The following EPB41 variants were observed in gnomAD, a reference collection of about 807,000 sequenced individuals.
EPB41 encodes protein 4.1.
EPB41 carries 65 observed loss-of-function variants against 108.0 expected under a neutral mutation model. The observed-to-expected ratio is 0.60, with a 90% CI of 0.49 to 0.74. EPB41 has a LOEUF of 0.74. EPB41 is among the 30% of genes least tolerant of loss of function. The probability of loss-of-function intolerance (pLI) is 0.00; values close to 1 mark genes in which losing one functional copy is unlikely to be tolerated. For synonymous variants in EPB41, 336 were observed against 358.9 expected, an observed-to-expected ratio of 0.94 and a Z score of 0.72; for missense variants, 875 against 1,037.0, an observed-to-expected ratio of 0.84 and a Z score of 2.15.
rs1242720788 is a variant in EPB41, at chr1:29,018,836, A to G, written c.1124+394A>G. Among the ~76,000 whole-genome samples, 1 of 152,156 alleles carries G rather than the reference A, an allele frequency of 6.6e-6. No homozygotes were observed. The highest frequency in any genetic ancestry group is 1.5e-5 in the Non-Finnish European group (1 of 68,038). Reference sequence around the variant, plus strand: ...TTTAATTTGAGATCTTTATACATGGATAGATTTCAGAGGGCCCGTGAAACT... The same window carrying G: ...TTTAATTTGAGATCTTTATACATGGGTAGATTTCAGAGGGCCCGTGAAACT... On this transcript the variant is annotated intron_variant, in intron 7 of 20. Transcript: ENST00000343067. This position sits in a 1 kb window ranked among gnomAD's most constrained non-coding sequence, Gnocchi z 4.4.
intron 1 of EPB41, chr1:28,982,669 T>G (rs769524216): frequency 2.1e-5 from 16 of 767,346 alleles, no homozygotes; most frequent in Non-Finnish European, 3.7e-5. Context: ...TGATTGATCT[T>G]AAGACTTAGG....
intron 16 of EPB41, among the ~76,000 whole-genome samples, chr1:29,093,184 TC>T (rs1661945696): frequency 6.6e-6 from 1 of 152,218 alleles, no homozygotes; most frequent in Non-Finnish European, 1.5e-5. Context: ...GTGTAAGCAT[TC>T]CCTTTTCTCT....
intron 9 of EPB41, among the ~76,000 whole-genome samples, chr1:29,034,604 A>G (rs1318146910): frequency 2.6e-5 from 4 of 152,210 alleles, no homozygotes; most frequent in African/African-American, 9.7e-5. Context: ...TTTCCTTTCC[A>G]TCTTATAAAA....
intron 1 of EPB41, among the ~76,000 whole-genome samples, chr1:28,938,680 A>G (rs1031766859): frequency 6.6e-6 from 1 of 151,870 alleles, no homozygotes; most frequent in Non-Finnish European, 1.5e-5. Flanking sequence ...CCATAGGCAT[A>G]TGTCACCACG....
At chr1:29,085,432 A>G (rs1219603523) in intron 16 of EPB41, among the ~76,000 whole-genome samples, 1 of 152,154 alleles carries the variant, frequency 6.6e-6, no homozygotes, top group Non-Finnish European at 1.5e-5. Flanking sequence ...GGCGTGAGCC[A>G]CCACACCTGG....
Position 28,887,404 on chromosome 1 carries a change from A to T in EPB41, c.-8+194A>T. The T allele has an allele frequency of 1.0e-6, 1 of 985,320 alleles. No individual in the cohort carries two copies. Among genetic ancestry groups the T allele is most frequent in the Non-Finnish European group, 1.2e-6 (1 of 829,900 alleles). 61.0% of individuals were successfully genotyped at this position (985,320 alleles called of 1,614,324 possible). A position where few individuals can be genotyped will look rare whatever the true frequency, so the allele number is the denominator to read the frequency against. On this transcript the variant is annotated intron_variant, in intron 1 of 16. Transcript: ENST00000347529. The surrounding 1 kb of genome is among the most constrained non-coding windows in gnomAD (Gnocchi z 4.9). ...GGGTCCAAAGGAGTCTGGGCATCTTAAAGTTCAGGGTGCAGGGAGGGGCGT... is the reference window on the plus strand; with the variant it reads ...GGGTCCAAAGGAGTCTGGGCATCTTTAAGTTCAGGGTGCAGGGAGGGGCGT...
chr1:28,987,149 T>A (rs1211895175), intron 1 of EPB41, among the ~76,000 whole-genome samples: 1 of 152,206 alleles, frequency 6.6e-6, no homozygotes, highest in African/African-American at 2.4e-5. Context: ...GGCATTGGAT[T>A]TAATATGTGA....
At chr1:29,091,352 A>G (rs1304718838) in intron 16 of EPB41, among the ~76,000 whole-genome samples, 2 of 152,236 alleles carry the variant, frequency 1.3e-5, no homozygotes, top group Non-Finnish European at 2.9e-5. Flanking sequence ...TCACAATGCT[A>G]GGACTAGCAT....
At chr1:28,920,888 C>G (rs913777635) in intron 1 of EPB41, among the ~76,000 whole-genome samples, 1 of 152,090 alleles carries the variant, frequency 6.6e-6, no homozygotes, top group Non-Finnish European at 1.5e-5. Context: ...GCCTTGGCCT[C>G]CCAAAGTGCT....
chr1:28,900,399 A>T (rs116725485), intron 1 of EPB41, among the ~76,000 whole-genome samples: 8,997 of 150,256 alleles, frequency 0.06, 708 homozygotes, highest in African/African-American at 0.18. Flanking sequence ...GCAAACCTCC[A>T]ACCTCAGCCT....
At chr1:29,058,562 T>G in intron 12 of EPB41, 27 bp from the exon 13 acceptor site, 1 of 1,604,978 alleles carries the variant, frequency 6.2e-7, no homozygotes, top group Non-Finnish European at 8.5e-7. Context: ...CTAAAATGTT[T>G]TTACTACTTT....
intron 16 of EPB41, among the ~76,000 whole-genome samples, chr1:29,087,618 C>T (rs1659608484): frequency 6.6e-6 from 1 of 152,146 alleles, no homozygotes; most frequent in South Asian, 2.1e-4. Context: ...GCCTTGGCCT[C>T]CCAAAGTGCT....
chr1:29,021,587 C>CA (rs1553246175), intron 7 of EPB41, among the ~76,000 whole-genome samples: 2 of 142,244 alleles, frequency 1.4e-5, no homozygotes, highest in African/African-American at 5.1e-5. Flanking sequence ...CTTTTTTTTT[C>CA]TTTTTTTTTT....
intron 15 of EPB41, among the ~76,000 whole-genome samples, chr1:29,062,394 T>A (rs1248629072): frequency 6.6e-6 from 1 of 152,236 alleles, no homozygotes; most frequent in Non-Finnish European, 1.5e-5. Context: ...GTGTGTGATG[T>A]GTTTTTCCCT....
Position 28,993,477 on chromosome 1 carries a change from A to T in EPB41, c.616A>T (p.Lys206Ter). 1 of 1,614,068 alleles carries T rather than the reference A, an allele frequency of 6.2e-7. No individual in the cohort carries two copies. The highest frequency in any genetic ancestry group is 8.5e-7 in the Non-Finnish European group (1 of 1,180,012). The change falls in exon 3 of 21, where the codon AAA (lysine) becomes TAA (stop). Residue 206 changes from lysine (K) to a stop codon, truncating the protein, a stop_gained. Coordinates refer to ENST00000343067, the MANE Select transcript of EPB41 (RefSeq NM_001376013.1). LOFTEE classifies it high-confidence loss of function. Reference protein sequence around the residue: ...ELKASQKPIRKHRNMHCKVSL... With the variant: ...ELKASQKPIR ...AAAAGCTTCCCAAAAACCAATCAGA[A>T]AACACAGGAACATGCACTGCAAGGT...
chr1:29,066,204 AG>A (rs1232270837), intron 16 of EPB41, among the ~76,000 whole-genome samples: 1 of 151,816 alleles, frequency 6.6e-6, no homozygotes. Flanking sequence ...GCGGATCATG[AG>A]GTCAGGAGTT....
At chr1:28,933,874 C>G (rs551277639) in intron 1 of EPB41, among the ~76,000 whole-genome samples, 1 of 152,112 alleles carries the variant, frequency 6.6e-6, no homozygotes, top group Non-Finnish European at 1.5e-5. Context: ...CTATATACCC[C>G]ACACTGCAGT....
chr1:28,992,854 C>T (rs373864992), intron 2 of EPB41, among the ~76,000 whole-genome samples: 1 of 152,152 alleles, frequency 6.6e-6, no homozygotes, highest in Non-Finnish European at 1.5e-5. Context: ...TAGCCTACTA[C>T]ATGTTTGCTT....
intron 16 of EPB41, among the ~76,000 whole-genome samples, chr1:29,078,425 C>T (rs1413300856): frequency 6.6e-6 from 1 of 152,114 alleles, no homozygotes; most frequent in Admixed American, 6.5e-5. Context: ...ATGAGACATT[C>T]ATTTCTATTA....
Sources: allele counts gnomAD v4.1 joint callset (sites outside exome capture counted in the v4.1 genomes callset), GRCh38; gene constraint gnomAD v4.1.1; non-coding constraint Gnocchi (gnomAD v3.1); transcripts MANE v1.5; gene names NCBI Gene and HGNC (gene_info 2026-07-23, HGNC 2026-07-21).